The following EIF4G3 variants were observed in gnomAD, a reference collection of about 807,000 sequenced individuals.
EIF4G3 encodes the protein eIF-4-gamma 3.
In EIF4G3, 34 loss-of-function variants were observed where a neutral mutation model predicts 186.4. That is an observed-to-expected ratio of 0.18 (90% CI 0.14 to 0.24). EIF4G3 has a LOEUF of 0.24. EIF4G3 is among the 10% of genes least tolerant of loss of function. EIF4G3 has a pLI of 1.00. For synonymous variants in EIF4G3, 673 were observed against 679.5 expected (o/e 0.99, Z 0.15); for missense variants, 1,536 against 1,948.5 (o/e 0.79, Z 3.99).
intron 4 of EIF4G3, among the ~76,000 whole-genome samples, chr1:21,032,626 C>T (rs928829102): frequency 6.6e-6 from 1 of 151,732 alleles, no homozygotes; most frequent in Admixed American, 6.6e-5. Context: ...TTCAGAAAGG[C>T]CAAACCATTA....
intron 3 of EIF4G3, among the ~76,000 whole-genome samples, chr1:21,079,997 A>G (rs2095715923): frequency 6.6e-6 from 1 of 151,962 alleles, no homozygotes; most frequent in African/African-American, 2.4e-5. Context: ...CCAAAAATAT[A>G]AAAACTAGCC....
At chr1:21,075,190 T>C (rs2095548851) in intron 3 of EIF4G3, among the ~76,000 whole-genome samples, 4 of 152,120 alleles carry the variant, frequency 2.6e-5, no homozygotes, top group Admixed American at 2.6e-4. Context: ...TGTAAATGAA[T>C]TAAATTTCCC....
At chr1:20,931,950 T>C (rs1322504174) in intron 14 of EIF4G3, among the ~76,000 whole-genome samples, 1 of 151,570 alleles carries the variant, frequency 6.6e-6, no homozygotes, top group Non-Finnish European at 1.5e-5. Flanking sequence ...AGTAGGTAGA[T>C]GGTTTCTTCT....
chr1:21,101,178 T>A (rs1421138110), intron 2 of EIF4G3, among the ~76,000 whole-genome samples: 1 of 152,112 alleles, frequency 6.6e-6, no homozygotes, highest in African/African-American at 2.4e-5. Flanking sequence ...TGGTTAACTA[T>A]CAATGAAAAA....
At chr1:20,907,453 CATAT>C in intron 14 of EIF4G3, among the ~76,000 whole-genome samples, 2 of 151,888 alleles carry the variant, frequency 1.3e-5, no homozygotes, top group South Asian at 4.2e-4. Context: ...AGGTTTGCTA[CATAT>C]GTATACATGT....
At chr1:20,930,266 A>G (rs1378532804) in intron 14 of EIF4G3, among the ~76,000 whole-genome samples, 1 of 152,162 alleles carries the variant, frequency 6.6e-6, no homozygotes, top group East Asian at 1.9e-4. Context: ...TAAGACAACA[A>G]TGAAGTTTGC....
chr1:20,901,365 T>C (rs978696116), intron 15 of EIF4G3, among the ~76,000 whole-genome samples: 1 of 152,136 alleles, frequency 6.6e-6, no homozygotes, highest in Non-Finnish European at 1.5e-5. Flanking sequence ...CATAATTAAG[T>C]ACAGGTCATC....
At chr1:21,118,849 C>T (rs1280889958) in intron 2 of EIF4G3, among the ~76,000 whole-genome samples, 9 of 144,272 alleles carry the variant, frequency 6.2e-5, no homozygotes, top group Non-Finnish European at 1.2e-4. Flanking sequence ...GCCTATAGTT[C>T]CAGCTATAGG....
chr1:20,999,662 C>A, intron 6 of EIF4G3: 1 of 419,070 alleles, frequency 2.4e-6, no homozygotes, highest in Non-Finnish European at 4.7e-6. Context: ...AAAACCCCAA[C>A]TTAAGTTAGT....
intron 13 of EIF4G3, among the ~76,000 whole-genome samples, chr1:20,947,515 ACT>A (rs1473852996): frequency 6.6e-6 from 1 of 151,946 alleles, no homozygotes; most frequent in Non-Finnish European, 1.5e-5. Context: ...TAGAAATGTT[ACT>A]GTTTGACTAG....
intron 12 of EIF4G3, among the ~76,000 whole-genome samples, chr1:20,966,750 A>C (rs1167614349): frequency 6.6e-6 from 1 of 152,270 alleles, no homozygotes; most frequent in Admixed American, 6.5e-5. Context: ...CTAGGATTAC[A>C]GGTGTGAGCC....
At chr1:20,862,176 C>T in intron 23 of EIF4G3, 52 bp downstream of exon 23, 11 of 1,129,398 alleles carry the variant, frequency 9.7e-6, no homozygotes, top group Non-Finnish European at 1.4e-5. Context: ...CAACCCAATT[C>T]CTTTAAAGAG....
At chr1:20,820,427 TTGCC>T (rs1557776711) in intron 33 of EIF4G3, among the ~76,000 whole-genome samples, 2 of 152,052 alleles carry the variant, frequency 1.3e-5, no homozygotes, top group African/African-American at 2.4e-5. Context: ...AGGCTCAGAG[TTGCC>T]TGCTCTCTGA....
intron 29 of EIF4G3, among the ~76,000 whole-genome samples, chr1:20,841,767 TG>T (rs1305790856): frequency 1.3e-5 from 2 of 152,152 alleles, no homozygotes; most frequent in Non-Finnish European, 2.9e-5. Context: ...AATAAAGCAG[TG>T]TATCTCTCTG....
intron 2 of EIF4G3, among the ~76,000 whole-genome samples, chr1:21,167,511 C>G (rs2097876760): frequency 6.6e-6 from 1 of 152,098 alleles, no homozygotes; most frequent in South Asian, 2.1e-4. Flanking sequence ...TGCAGTGGCT[C>G]ACGTCTGTAA....
intron 14 of EIF4G3, among the ~76,000 whole-genome samples, chr1:20,916,890 T>C (rs1437615431): frequency 1.3e-5 from 2 of 152,216 alleles, no homozygotes; most frequent in Non-Finnish European, 2.9e-5. Flanking sequence ...CAGACATTAC[T>C]GGTGGGAATA....
At chr1:21,095,920 C>CA (rs2096357275) in intron 2 of EIF4G3, among the ~76,000 whole-genome samples, 1 of 152,054 alleles carries the variant, frequency 6.6e-6, no homozygotes, top group Non-Finnish European at 1.5e-5. Flanking sequence ...TATTCATATG[C>CA]AAAAATGAAT....
At chr1:20,859,106 A>G (rs1429116588) in intron 24 of EIF4G3, among the ~76,000 whole-genome samples, 1 of 152,210 alleles carries the variant, frequency 6.6e-6, no homozygotes, top group Non-Finnish European at 1.5e-5. Flanking sequence ...GCTATCTGAT[A>G]TTACTGATCA....
At chr1:20,893,943 T>C (rs1202800143) in intron 17 of EIF4G3, among the ~76,000 whole-genome samples, 1 of 149,954 alleles carries the variant, frequency 6.7e-6, no homozygotes, top group African/African-American at 2.5e-5. Flanking sequence ...CAAGACAAGA[T>C]ATTTTGAGAT....
Sources: allele counts gnomAD v4.1 joint callset (sites outside exome capture counted in the v4.1 genomes callset), GRCh38; gene constraint gnomAD v4.1.1; transcripts MANE v1.5; gene names NCBI Gene and HGNC (gene_info 2026-07-23, HGNC 2026-07-21).